SUCLG2: variants seen among roughly 807,000 people sequenced by gnomAD.
SUCLG2 encodes succinate-CoA ligase GDP-forming subunit beta, also known as succinate--CoA ligase [GDP-forming] subunit beta, mitochondrial.
In SUCLG2, 42 loss-of-function variants were observed where a neutral mutation model predicts 47.9. The ratio of observed to expected loss-of-function variants is 0.88; its 90% CI spans 0.69 to 1.14. The LOEUF is 1.14. Among genes scored for constraint, SUCLG2 ranks in the 50% most tolerant of loss-of-function variants. SUCLG2 has a pLI of 0.00. For synonymous variants in SUCLG2, 195 were observed against 197.3 expected (o/e 0.99, Z 0.10); for missense variants, 571 against 525.9 (o/e 1.09, Z -0.84).
intron 2 of SUCLG2, among the ~76,000 whole-genome samples, chr3:67,559,880 C>A (rs6780493): frequency 0.54 from 81,805 of 151,076 alleles, 23,127 homozygotes; most frequent in Non-Finnish European, 0.63. Flanking sequence ...ATGAACTTGG[C>A]CTGATGATGT....
chr3:67,546,003 TG>T, intron 2 of SUCLG2, among the ~76,000 whole-genome samples: 1 of 152,332 alleles, frequency 6.6e-6, no homozygotes, highest in Non-Finnish European at 1.5e-5. Flanking sequence ...CCATAAAACC[TG>T]AACCTACTTT....
At chr3:67,389,701 GT>G (rs200472805) in intron 10 of SUCLG2, among the ~76,000 whole-genome samples, 12 of 147,592 alleles carry the variant, frequency 8.1e-5, no homozygotes, top group Admixed American at 3.4e-4. Context: ...GGTTCCTTCT[GT>G]TTTTTTTTTC....
chr3:67,486,074 C>T (rs1464032627), intron 9 of SUCLG2, among the ~76,000 whole-genome samples: 1 of 152,072 alleles, frequency 6.6e-6, no homozygotes, highest in East Asian at 1.9e-4. Flanking sequence ...AGTTTGAGAC[C>T]AGGCAGGGCA....
chr3:67,526,081 C>T (rs532937670), intron 4 of SUCLG2, among the ~76,000 whole-genome samples: 7 of 152,230 alleles, frequency 4.6e-5, no homozygotes, highest in East Asian at 1.9e-4. Flanking sequence ...ATCAGTGCAC[C>T]GCCATTTAGT....
intron 9 of SUCLG2, among the ~76,000 whole-genome samples, chr3:67,494,150 G>A (rs918990036): frequency 6.6e-6 from 1 of 152,048 alleles, no homozygotes; most frequent in East Asian, 1.9e-4. Flanking sequence ...AACAAAACAG[G>A]CTATTGCCAG....
At chr3:67,387,991 T>C (rs1359032409) in intron 10 of SUCLG2, among the ~76,000 whole-genome samples, 1 of 151,900 alleles carries the variant, frequency 6.6e-6, no homozygotes, top group African/African-American at 2.4e-5. Flanking sequence ...ACTAACAACA[T>C]AAGACAATAT....
At chr3:67,573,093 TA>T (rs1335995544) in intron 2 of SUCLG2, among the ~76,000 whole-genome samples, 2 of 152,116 alleles carry the variant, frequency 1.3e-5, no homozygotes, top group Non-Finnish European at 2.9e-5. Context: ...ATAAAATACT[TA>T]GAAATAAATT....
intron 9 of SUCLG2, among the ~76,000 whole-genome samples, chr3:67,492,519 A>G (rs1049770019): frequency 6.6e-6 from 1 of 152,186 alleles, no homozygotes; most frequent in Non-Finnish European, 1.5e-5. Context: ...TTCCTATTTT[A>G]TACATTTTTG....
intron 8 of SUCLG2, among the ~76,000 whole-genome samples, chr3:67,497,446 C>CTT (rs564470745): frequency 1.3e-5 from 2 of 152,108 alleles, no homozygotes; most frequent in South Asian, 4.1e-4. Context: ...TACAGACATT[C>CTT]TTATCTCAGC....
rs138750592 is a variant in SUCLG2, at chr3:67,515,003, G to A, written c.660+3244C>T. ...AGATGTCCCTCACGAAGTATTGCCA[G>A]GAGGTCATGAGAAGCCCAATGCTAC... is the stretch of plus-strand genomic sequence containing the variant. On this transcript the variant is annotated intron_variant, in intron 6 of 10. Coordinates refer to ENST00000307227, the MANE Select transcript of SUCLG2 (RefSeq NM_003848.4). 7.2e-5 allele frequency among the ~76,000 whole-genome samples: 11 copies of A among 152,274 alleles called. No homozygotes were observed. The East Asian group carries it at 1.9e-3, about 27-fold the overall frequency.
chr3:67,396,732 T>G (rs1702539493), intron 10 of SUCLG2, among the ~76,000 whole-genome samples: 1 of 152,192 alleles, frequency 6.6e-6, no homozygotes, highest in East Asian at 1.9e-4. Flanking sequence ...AAGAGAATTT[T>G]AGACCAACGT....
chr3:67,572,799 G>A (rs2634726), intron 2 of SUCLG2, among the ~76,000 whole-genome samples: 58 of 152,078 alleles, frequency 3.8e-4, no homozygotes, highest in Non-Finnish European at 7.1e-4. Context: ...CAACATGGTA[G>A]TAGAGGTTGA....
chr3:67,630,991 CAG>C (rs1354684633), intron 1 of SUCLG2, among the ~76,000 whole-genome samples: 1 of 152,154 alleles, frequency 6.6e-6, no homozygotes, highest in Non-Finnish European at 1.5e-5. Context: ...AAAAAGTTTG[CAG>C]ACCAATGTCC....
intron 1 of SUCLG2, among the ~76,000 whole-genome samples, chr3:67,629,025 TCA>T (rs1411559334): frequency 2.0e-5 from 3 of 152,186 alleles, no homozygotes; most frequent in Non-Finnish European, 4.4e-5. Flanking sequence ...CAGCATGCCT[TCA>T]CATTTCTTCT....
At position 67,538,956 on chromosome 3, in the gene SUCLG2, G is replaced by C. The variant is rs147904822; in HGVS notation, c.227-9770C>G. On this transcript the variant is annotated intron_variant, in intron 2 of 10. Transcript: ENST00000307227. ...TTCCTTATCAGCTTAAGGGAATTTT[G>C]GGCAGAGACGATGGGGTTTTCTAAA... Among the ~76,000 whole-genome samples, 1,135 of 152,224 alleles carry C rather than the reference G, an allele frequency of 7.5e-3. 14 individuals are homozygous for C. The highest frequency in any genetic ancestry group is 0.025 in the African/African-American group (1,048 of 41,530).
intron 1 of SUCLG2, among the ~76,000 whole-genome samples, chr3:67,612,390 G>C (rs557658963): frequency 1.3e-4 from 19 of 149,916 alleles, no homozygotes; most frequent in African/African-American, 4.5e-4. Flanking sequence ...TACATCTACA[G>C]AAGTATAATT....
chr3:67,540,351 C>T (rs1419169814), intron 2 of SUCLG2, among the ~76,000 whole-genome samples: 1 of 151,970 alleles, frequency 6.6e-6, no homozygotes, highest in Non-Finnish European at 1.5e-5. Flanking sequence ...ACCTGGGGTG[C>T]TTGGTGGGAG....
intron 2 of SUCLG2, among the ~76,000 whole-genome samples, chr3:67,544,631 A>G (rs559809230): frequency 2.0e-5 from 3 of 152,328 alleles, no homozygotes; most frequent in African/African-American, 7.2e-5. Flanking sequence ...AGAGAAGAGT[A>G]CTTGGCCAAC....
intron 9 of SUCLG2, among the ~76,000 whole-genome samples, chr3:67,419,632 C>G (rs1703109039): frequency 6.6e-6 from 1 of 152,062 alleles, no homozygotes; most frequent in Non-Finnish European, 1.5e-5. Flanking sequence ...GAAGAGAAAT[C>G]TATGTTGATT....
Sources: allele counts gnomAD v4.1 joint callset (sites outside exome capture counted in the v4.1 genomes callset), GRCh38; gene constraint gnomAD v4.1.1; transcripts MANE v1.5; gene names NCBI Gene and HGNC (gene_info 2026-07-23, HGNC 2026-07-21).